The following DNAH12 variants were observed in gnomAD, a reference collection of about 807,000 sequenced individuals.
The protein encoded by DNAH12 is dynein axonemal heavy chain 12, also known as axonemal beta dynein heavy chain 12.
DNAH12 carries 285 observed loss-of-function variants against 371.5 expected under a neutral mutation model. The ratio of observed to expected loss-of-function variants is 0.77; its 90% CI spans 0.70 to 0.85. The LOEUF (loss-of-function observed/expected upper bound fraction) is 0.85. Among genes scored for constraint, DNAH12 ranks in the 40% least tolerant of loss-of-function variants. DNAH12 has a pLI of 0.00. For synonymous variants in DNAH12, 1,200 were observed against 1,213.0 expected (o/e 0.99, Z 0.22); for missense variants, 3,611 against 3,689.4 (o/e 0.98, Z 0.55).
At chr3:57,437,776 GAC>G (rs984300290) in intron 29 of DNAH12, among the ~76,000 whole-genome samples, 7 of 152,196 alleles carry the variant, frequency 4.6e-5, no homozygotes, top group African/African-American at 1.7e-4. Flanking sequence ...TGGCTGGAAA[GAC>G]ACACAGAGAG....
chr3:57,504,338 G>A, intron 8 of DNAH12, 134 bp from the exon 9 acceptor site: 2 of 765,686 alleles, frequency 2.6e-6, no homozygotes, highest in South Asian at 2.1e-5. Flanking sequence ...CCATTTAATT[G>A]AAAATTATCT....
chr3:57,298,184 C>T (rs1316784031), intron 70 of DNAH12, among the ~76,000 whole-genome samples: 1 of 152,206 alleles, frequency 6.6e-6, no homozygotes, highest in Non-Finnish European at 1.5e-5. Flanking sequence ...GGTAGAACTC[C>T]ACCTAGCCAT....
chr3:57,454,151 G>C (rs924542436), intron 23 of DNAH12, among the ~76,000 whole-genome samples: 6 of 151,876 alleles, frequency 4.0e-5, no homozygotes, highest in African/African-American at 1.5e-4. Context: ...AATGAATTTT[G>C]TGAGTGATTT....
chr3:57,408,662 C>T, intron 39 of DNAH12, 127 bp from the exon 40 acceptor site: 1 of 1,213,604 alleles, frequency 8.2e-7, no homozygotes, highest in Non-Finnish European at 1.1e-6. Context: ...TCAGATAACA[C>T]TTTGAGTAGG....
At chr3:57,498,757 T>C (rs1219167631) in intron 11 of DNAH12, among the ~76,000 whole-genome samples, 1 of 152,116 alleles carries the variant, frequency 6.6e-6, no homozygotes, top group East Asian at 1.9e-4. Flanking sequence ...CCCAGCATTT[T>C]GGGAGGCCGA....
At chr3:57,457,415 A>G (rs2065931910) in intron 22 of DNAH12, among the ~76,000 whole-genome samples, 1 of 152,060 alleles carries the variant, frequency 6.6e-6, no homozygotes, top group South Asian at 2.1e-4. Flanking sequence ...GCTTATTCCT[A>G]CCTGTCCTTT....
chr3:57,485,877 T>A (rs1301059940), intron 12 of DNAH12, among the ~76,000 whole-genome samples: 1 of 152,048 alleles, frequency 6.6e-6, no homozygotes, highest in East Asian at 1.9e-4. Flanking sequence ...ATTGGTACAG[T>A]GTACACTACT....
At chr3:57,550,671 C>A in the DNAH12 span, among the ~76,000 whole-genome samples, 5 of 151,672 alleles carry the variant, frequency 3.3e-5, no homozygotes, top group African/African-American at 4.8e-5. Context: ...TACCACGACG[C>A]CCAGCTAAAT....
At chr3:57,408,679 AT>A (rs1238321554) in intron 39 of DNAH12, 144 bp from the exon 40 acceptor site, 59 of 1,077,936 alleles carry the variant, frequency 5.5e-5, no homozygotes, top group African/African-American at 5.4e-4. Context: ...TAGGAGAGAA[AT>A]TTTTTTTAAA....
the DNAH12 span, among the ~76,000 whole-genome samples, chr3:57,551,283 A>T: frequency 1.0e-4 from 15 of 145,558 alleles, no homozygotes; most frequent in East Asian, 4.2e-4. Context: ...TTATTTATTT[A>T]TTTTTTGAGA....
intron 60 of DNAH12, among the ~76,000 whole-genome samples, chr3:57,346,537 T>TAAC (rs36111680): frequency 0.32 from 48,454 of 151,504 alleles, 8,524 homozygotes; most frequent in African/African-American, 0.46. Context: ...AGGAAAACAG[T>TAAC]AACAACAACA....
At chr3:57,402,810 A>G (rs1295167269) in intron 43 of DNAH12, among the ~76,000 whole-genome samples, 2 of 152,220 alleles carry the variant, frequency 1.3e-5, no homozygotes, top group Non-Finnish European at 2.9e-5. Flanking sequence ...ATATTTCAAG[A>G]TAGAAGATTT....
chr3:57,390,424 A>AAAAAAAAAAAAAAAAAATATATATATAT, intron 45 of DNAH12, among the ~76,000 whole-genome samples: 1 of 33,422 alleles, frequency 3.0e-5, no homozygotes, highest in Non-Finnish European at 7.0e-5. Context: ...AAAAAAAAAA[A>AAAAAAAAAAAAAAAAAATATATATATAT]ATATATATAT....
chr3:57,508,291 A>G, intron 7 of DNAH12, 91 bp downstream of exon 7: 2 of 1,213,498 alleles, frequency 1.6e-6, no homozygotes, highest in Non-Finnish European at 2.2e-6. Context: ...AAAAGTGTTG[A>G]AGATTTAGGA....
intron 11 of DNAH12, chr3:57,498,396 A>G: frequency 2.9e-6 from 2 of 682,554 alleles, no homozygotes. Flanking sequence ...AACTCACTGC[A>G]GACTCGAACT....
chr3:57,395,707 G>C (rs1391609886), intron 43 of DNAH12, among the ~76,000 whole-genome samples: 1 of 152,006 alleles, frequency 6.6e-6, no homozygotes, highest in Non-Finnish European at 1.5e-5. Context: ...CACTTTGAGA[G>C]GGTGAGGCAG....
At chr3:57,344,682 G>A (rs572976026) in intron 60 of DNAH12, among the ~76,000 whole-genome samples, 4 of 152,104 alleles carry the variant, frequency 2.6e-5, no homozygotes, top group South Asian at 2.1e-4. Flanking sequence ...AGTGAAATAC[G>A]CCAGGAACAC....
At chr3:57,530,507 A>C in intron 2 of DNAH12, 1 of 731,846 alleles carries the variant, frequency 1.4e-6, no homozygotes, top group African/African-American at 1.7e-5. Flanking sequence ...TGATTTTGGC[A>C]TTCTTTTTCC....
At position 57,439,619 on chromosome 3, in the gene DNAH12, C is replaced by T. The variant is rs528903512; in HGVS notation, c.4546-2559G>A. On this transcript the variant is annotated intron_variant, in intron 29 of 73. Transcript: ENST00000495027. ...AACCTAGGAATCACCATTCTGGACA[C>T]TGGCCTTGGGAAGGAATTTATGACT... is the stretch of plus-strand genomic sequence containing the variant. Among the ~76,000 whole-genome samples the T allele has an allele frequency of 7.2e-5, 11 of 152,260 alleles. No individual in the cohort carries two copies. In the South Asian group the frequency reaches 2.3e-3, roughly 32 times the overall value.
Sources: gnomAD v4.1 joint callset for allele counts (sites outside exome capture counted in the v4.1 genomes callset) on GRCh38, gnomAD v4.1.1 for gene constraint, MANE v1.5 for transcripts, NCBI Gene and HGNC (gene_info 2026-07-23, HGNC 2026-07-21) for gene names.